SMAD5: variants seen among roughly 807,000 people sequenced by gnomAD.
The protein encoded by SMAD5 is MAD, mothers against decapentaplegic homolog 5.
A neutral mutation model predicts 43.1 loss-of-function variants in SMAD5; 9 were observed. The observed-to-expected ratio is 0.21, with a 90% CI of 0.13 to 0.36. The LOEUF is 0.36. SMAD5 is among the 10% of genes least tolerant of loss of function. The pLI, the probability that SMAD5 is intolerant of heterozygous loss-of-function variation, is 1.00. For missense variants in SMAD5, 348 were observed against 574.0 expected (o/e 0.61, Z 4.02); for synonymous variants, 190 against 192.4 (o/e 0.99, Z 0.10).
At chr5:136,154,777 A>G in intron 3 of SMAD5, among the ~76,000 whole-genome samples, 1 of 152,000 alleles carries the variant, frequency 6.6e-6, no homozygotes, top group Non-Finnish European at 1.5e-5. Flanking sequence ...TGTCGAGATC[A>G]CTAGTGACTG....
chr5:136,162,854 T>C (rs187539095), intron 4 of SMAD5, among the ~76,000 whole-genome samples: 1 of 152,340 alleles, frequency 6.6e-6, no homozygotes, highest in East Asian at 1.9e-4. Context: ...TAAATGACAG[T>C]ATACAGTATG....
intron 5 of SMAD5, among the ~76,000 whole-genome samples, chr5:136,170,788 A>AT (rs987872988): frequency 1.3e-5 from 2 of 151,872 alleles, no homozygotes; most frequent in African/African-American, 2.4e-5. Context: ...GCATGTTCCT[A>AT]TTTTTTTATA....
At chr5:136,167,313 G>A (rs964320862) in intron 5 of SMAD5, among the ~76,000 whole-genome samples, 1 of 151,876 alleles carries the variant, frequency 6.6e-6, no homozygotes, top group Non-Finnish European at 1.5e-5. Context: ...TAAAATCTGA[G>A]CTCTTAAGAC....
chr5:136,146,261 A>C (rs1753253852), intron 1 of SMAD5, among the ~76,000 whole-genome samples: 1 of 151,912 alleles, frequency 6.6e-6, no homozygotes, highest in African/African-American at 2.4e-5. Flanking sequence ...ATAGAGGACC[A>C]AAATTTAGCT....
At chr5:136,133,240 C>T (rs1200952224) in intron 1 of SMAD5, 1 of 152,408 alleles carries the variant, frequency 6.6e-6, no homozygotes. Context: ...ACCGCCCAGA[C>T]TTTGGAGGGA....
rs193189900 is a variant in SMAD5, at chr5:136,179,823, A to G, written c.*2343A>G. On this transcript the variant is annotated 3_prime_UTR_variant, in exon 8 of 8. Transcript: ENST00000545279. ...AAATTTGTAGGAAAAAATTACTCCA[A>G]TTGAATGACTGATGTATGTAATCAA... is the stretch of plus-strand genomic sequence containing the variant. 3.4e-3 allele frequency: 521 copies of G among 152,332 alleles called. 7 individuals are homozygous for G. Among genetic ancestry groups the G allele is most frequent in the African/African-American group, 0.012 (483 of 41,580 alleles). 9.4% of individuals were successfully genotyped at this position (152,332 alleles called of 1,614,324 possible).
intron 3 of SMAD5, among the ~76,000 whole-genome samples, chr5:136,154,541 T>TC (rs1350342334): frequency 6.6e-6 from 1 of 152,158 alleles, no homozygotes; most frequent in Non-Finnish European, 1.5e-5. Context: ...ATATTTTCCC[T>TC]TTCTACCAGA....
At chr5:136,156,627 G>T (rs1580780740) in intron 3 of SMAD5, among the ~76,000 whole-genome samples, 1 of 152,130 alleles carries the variant, frequency 6.6e-6, no homozygotes, top group South Asian at 2.1e-4. Context: ...GAAGATAAAA[G>T]GATTTAATAG....
intron 4 of SMAD5, among the ~76,000 whole-genome samples, chr5:136,162,159 C>T (rs1430558885): frequency 6.6e-6 from 1 of 152,162 alleles, no homozygotes; most frequent in African/African-American, 2.4e-5. Context: ...ACAGAGTGCA[C>T]TCACACACAC....
In SMAD5 at chr5:136,180,056, T is replaced by A. The variant is rs1287971155; in HGVS notation, c.*2576T>A. 6.6e-6 allele frequency: 1 copy of A among 152,090 alleles called. No individual in the cohort carries two copies. Among genetic ancestry groups the A allele is most frequent in the East Asian group, 1.9e-4 (1 of 5,190 alleles). 9.4% of individuals were successfully genotyped at this position (152,090 alleles called of 1,614,324 possible). On this transcript the variant is annotated 3_prime_UTR_variant, in exon 8 of 8. Transcript: ENST00000545279. Reference sequence around the variant, plus strand: ...TACTAAAGCTATTAACAACTAAGAGTTTGACAGAGAACTATAAGCCTGTTG... The same window carrying A: ...TACTAAAGCTATTAACAACTAAGAGATTGACAGAGAACTATAAGCCTGTTG...
rs564691953 is a variant in SMAD5, at chr5:136,136,367, G to A, written c.-245+3405G>A. Among the ~76,000 whole-genome samples, 10 of 152,064 alleles carry A rather than the reference G, an allele frequency of 6.6e-5. No homozygotes were observed. The South Asian group carries it at 2.1e-3, about 32-fold the overall frequency. On this transcript the variant is annotated intron_variant, in intron 1 of 7. Transcript: ENST00000545279. The stretch of plus-strand genomic sequence containing the variant: ...TAATTTTTGTATTTTTAGTAGAGAC[G>A]GTGTTTCACCATGTTCGCCAGGCTG...
intron 1 of SMAD5, among the ~76,000 whole-genome samples, chr5:136,137,488 C>A (rs1270297990): frequency 6.6e-6 from 1 of 152,162 alleles, no homozygotes; most frequent in East Asian, 1.9e-4. Flanking sequence ...AGGAGGCTTA[C>A]ATCTTTCAAA....
chr5:136,149,160 A>G (rs1251430967), intron 2 of SMAD5, among the ~76,000 whole-genome samples: 3 of 151,854 alleles, frequency 2.0e-5, no homozygotes, highest in Non-Finnish European at 4.4e-5. Flanking sequence ...TGTTTTACAC[A>G]TACTAGTTCT....
intron 1 of SMAD5, among the ~76,000 whole-genome samples, chr5:136,137,429 A>G (rs1445464447): frequency 6.6e-6 from 1 of 152,238 alleles, no homozygotes. Flanking sequence ...GAAAAAAACT[A>G]GTGTCCCATT....
At chr5:136,172,774 T>G in intron 6 of SMAD5, 119 bp downstream of exon 6, 1 of 697,862 alleles carries the variant, frequency 1.4e-6, no homozygotes, top group Non-Finnish European at 2.6e-6. Context: ...GGCCTCTGCC[T>G]TAAGTTGCCG....
chr5:136,138,855 A>G (rs187169827), intron 1 of SMAD5, among the ~76,000 whole-genome samples: 4 of 152,264 alleles, frequency 2.6e-5, no homozygotes, highest in African/African-American at 7.2e-5. Flanking sequence ...ATTTTGAGGG[A>G]TGGTTCTAAG....
At chr5:136,146,897 G>A (rs375242988) in intron 1 of SMAD5, among the ~76,000 whole-genome samples, 2 of 151,626 alleles carry the variant, frequency 1.3e-5, no homozygotes, top group East Asian at 3.9e-4. Context: ...CTATATATTC[G>A]GGTGAGGGAA....
At chr5:136,138,091 T>C (rs780813236) in intron 1 of SMAD5, among the ~76,000 whole-genome samples, 12 of 152,222 alleles carry the variant, frequency 7.9e-5, no homozygotes, top group Non-Finnish European at 1.5e-4. Context: ...GTAGGAAATC[T>C]TGCAGGCTCT....
intron 6 of SMAD5, 65 bp from the exon 7 acceptor site, chr5:136,174,311 A>G: frequency 6.7e-7 from 1 of 1,488,854 alleles, no homozygotes; most frequent in Non-Finnish European, 9.3e-7. Context: ...GTTGCACCAT[A>G]CAGTCTATTT....
Sources: gnomAD v4.1 joint callset for allele counts (sites outside exome capture counted in the v4.1 genomes callset) on GRCh38, gnomAD v4.1.1 for gene constraint, MANE v1.5 for transcripts, NCBI Gene and HGNC (gene_info 2026-07-23, HGNC 2026-07-21) for gene names.